Variants in PSEN1 observed in about 807,000 individuals in gnomAD.
PSEN1 encodes presenilin-1.
A neutral mutation model predicts 53.5 loss-of-function variants in PSEN1; 15 were observed. That is an observed-to-expected ratio of 0.28 (90% CI 0.19 to 0.43). The LOEUF (loss-of-function observed/expected upper bound fraction) is 0.43. Ranked by LOEUF, PSEN1 falls within the 20% of genes least tolerant of loss-of-function variation. PSEN1 has a pLI of 1.00. For missense variants in PSEN1, 387 were observed against 571.2 expected (o/e 0.68, Z 3.29); for synonymous variants, 208 against 209.8 (o/e 0.99, Z 0.08).
Position 73,219,579 on chromosome 14 carries a change from G to A in PSEN1, c.*290G>A, listed in dbSNP as rs776071448. On this transcript the variant is annotated 3_prime_UTR_variant, in exon 12 of 12. Coordinates refer to ENST00000324501, the MANE Select transcript of PSEN1 (RefSeq NM_000021.4). ...AGGAGATATGATAGGCCCGGAAGTT[G>A]CTGTGCCCCATCAGCAGCTTGACGC... The A allele has an allele frequency of 1.7e-5, 7 of 420,776 alleles. No homozygotes were observed. Among genetic ancestry groups the A allele is most frequent in the African/African-American group, 6.1e-5 (3 of 49,528 alleles). 26.1% of individuals were successfully genotyped at this position (420,776 alleles called of 1,614,324 possible). A position where few individuals can be genotyped will look rare whatever the true frequency, so the allele number is the denominator to read the frequency against.
chr14:73,204,207 A>G (rs1434702568), intron 8 of PSEN1, among the ~76,000 whole-genome samples: 5 of 151,712 alleles, frequency 3.3e-5, no homozygotes, highest in Admixed American at 2.6e-4. Context: ...CATGTTGGTC[A>G]GGCTGGTCTT....
chr14:73,177,578 G>A (rs1898082557), intron 5 of PSEN1, among the ~76,000 whole-genome samples: 1 of 152,088 alleles, frequency 6.6e-6, no homozygotes, highest in Admixed American at 6.6e-5. Flanking sequence ...GCCTCAATTT[G>A]TTTTAATTTT....
At chr14:73,150,599 T>TA (rs35632933) in intron 3 of PSEN1, among the ~76,000 whole-genome samples, 17 of 147,408 alleles carry the variant, frequency 1.2e-4, no homozygotes, top group Non-Finnish European at 1.8e-4. Context: ...CTGTCTCTAC[T>TA]AAAAAAAAAT....
At chr14:73,175,288 G>A (rs187725435) in intron 5 of PSEN1, among the ~76,000 whole-genome samples, 1 of 151,092 alleles carries the variant, frequency 6.6e-6, no homozygotes, top group Admixed American at 6.6e-5. Context: ...CACCACACCC[G>A]GCTAATTTTT....
At chr14:73,198,194 G>T in intron 8 of PSEN1, 65 bp downstream of exon 8, 1 of 924,116 alleles carries the variant, frequency 1.1e-6, no homozygotes, top group Non-Finnish European at 1.8e-6. Context: ...TGAAGCACAT[G>T]TAACTATGGT....
intron 5 of PSEN1, among the ~76,000 whole-genome samples, chr14:73,179,930 C>T (rs1898157253): frequency 1.3e-5 from 2 of 152,160 alleles, no homozygotes; most frequent in South Asian, 4.1e-4. Context: ...TTATCTGGAA[C>T]CTTTCTTAAT....
intron 3 of PSEN1, among the ~76,000 whole-genome samples, chr14:73,157,995 C>A (rs1013024669): frequency 6.6e-6 from 1 of 151,646 alleles, no homozygotes; most frequent in African/African-American, 2.4e-5. Context: ...AAAAAAAAAA[C>A]AAAACATACA....
At chr14:73,211,979 C>T (rs1207640902) in intron 10 of PSEN1, 37 bp downstream of exon 10, 1 of 1,583,602 alleles carries the variant, frequency 6.3e-7, no homozygotes, top group Non-Finnish European at 8.6e-7. Flanking sequence ...GTCATGGATT[C>T]CTTTAGGTAG....
intron 6 of PSEN1, chr14:73,189,801 C>A: frequency 7.9e-6 from 2 of 252,986 alleles, no homozygotes; most frequent in South Asian, 8.9e-5. Context: ...CCCCAGCTCC[C>A]CTTAAGCTGA....
At chr14:73,168,532 C>G (rs907874536) in intron 3 of PSEN1, 4 of 152,034 alleles carry the variant, frequency 2.6e-5, no homozygotes, top group African/African-American at 9.7e-5. Context: ...ATCAGGTGAG[C>G]GTTGGAGACT....
In PSEN1 at chr14:73,218,724, G is replaced by A. The variant is rs1249499691; in HGVS notation, c.1249-410G>A. On this transcript the variant is annotated intron_variant, in intron 11 of 11. Coordinates refer to ENST00000324501, the MANE Select transcript of PSEN1 (RefSeq NM_000021.4). Reference sequence around the variant, plus strand: ...GAAGCCCCCGCACAGCATAGAGAATGCCCCCGCACAGCATAGAGAAGCCCC... The same window carrying A: ...GAAGCCCCCGCACAGCATAGAGAATACCCCCGCACAGCATAGAGAAGCCCC... Among the ~76,000 whole-genome samples the A allele has an allele frequency of 2.7e-5, 4 of 148,672 alleles. No individual in the cohort carries two copies. In the South Asian group the frequency reaches 8.6e-4, roughly 32 times the overall value.
chr14:73,215,475 C>G (rs554974712), intron 10 of PSEN1, among the ~76,000 whole-genome samples: 1 of 151,088 alleles, frequency 6.6e-6, no homozygotes, highest in Non-Finnish European at 1.5e-5. Context: ...CCCAGCTATT[C>G]GAGAGGCTGC....
intron 3 of PSEN1, among the ~76,000 whole-genome samples, chr14:73,156,298 G>A (rs993710990): frequency 2.0e-5 from 3 of 152,060 alleles, no homozygotes; most frequent in Admixed American, 1.3e-4. Flanking sequence ...GGAAGTTGCA[G>A]TGAGCAGTGA....
chr14:73,178,219 CTTTT>C (rs34023728), intron 5 of PSEN1, among the ~76,000 whole-genome samples: 3 of 127,976 alleles, frequency 2.3e-5, no homozygotes, highest in Non-Finnish European at 5.0e-5. Flanking sequence ...ACACCCGGCC[CTTTT>C]TTTTTTTTTT....
chr14:73,147,193 T>G (rs934281363), intron 1 of PSEN1, among the ~76,000 whole-genome samples: 1 of 151,934 alleles, frequency 6.6e-6, no homozygotes, highest in African/African-American at 2.4e-5. Context: ...GCCATGTTGG[T>G]CAGGCTGGTT....
At chr14:73,185,605 C>T (rs1176086644) in intron 5 of PSEN1, among the ~76,000 whole-genome samples, 1 of 151,524 alleles carries the variant, frequency 6.6e-6, no homozygotes, top group Non-Finnish European at 1.5e-5. Context: ...GAGAGGGAGA[C>T]CGTGGGGAGA....
At chr14:73,203,081 T>G (rs1273533911) in intron 8 of PSEN1, among the ~76,000 whole-genome samples, 1 of 151,984 alleles carries the variant, frequency 6.6e-6, no homozygotes, top group African/African-American at 2.4e-5. Flanking sequence ...GAGAGGTTTT[T>G]TTGTTTTTGT....
rs756405565 is a variant in PSEN1 at position 73,184,746 on chromosome 14, AC to A, written c.481-2099del. 1.4e-3 allele frequency among the ~76,000 whole-genome samples: 107 copies of A among 75,044 alleles called. 1 individual carries two copies. The highest frequency in any genetic ancestry group is 5.1e-3 in the African/African-American group (94 of 18,496). 49.2% of individuals were successfully genotyped at this position (75,044 alleles called of 152,430 possible). On this transcript the variant is annotated intron_variant, in intron 5 of 11. Coordinates refer to ENST00000324501, the MANE Select transcript of PSEN1 (RefSeq NM_000021.4). ...GGGCGGCTGGCCTGGCGGGGGGCTGACCCCCCCCACCTCCCTCCCGGACGGG... is the reference window on the plus strand; with the variant it reads ...GGGCGGCTGGCCTGGCGGGGGGCTGACCCCCCCACCTCCCTCCCGGACGGG...
intron 3 of PSEN1, chr14:73,159,985 G>A (rs1252042252): frequency 1.5e-5 from 3 of 203,380 alleles, no homozygotes; most frequent in Admixed American, 1.0e-4. Context: ...ATCATGCCTC[G>A]CTAATTTTTT....
Sources: allele counts gnomAD v4.1 joint callset (sites outside exome capture counted in the v4.1 genomes callset), GRCh38; gene constraint gnomAD v4.1.1; transcripts MANE v1.5; gene names NCBI Gene and HGNC (gene_info 2026-07-23, HGNC 2026-07-21).